AGMO: variants seen among roughly 807,000 people sequenced by gnomAD.
AGMO encodes alkylglycerol monooxygenase.
A neutral mutation model predicts 60.2 loss-of-function variants in AGMO; 75 were observed. The ratio of observed to expected loss-of-function variants is 1.25; its 90% CI spans 1.03 to 1.51. AGMO has a LOEUF of 1.51. Among genes scored for constraint, AGMO ranks in the 40% most tolerant of loss-of-function variants. The pLI, the probability that AGMO is intolerant of heterozygous loss-of-function variation, is 0.00. For missense variants in AGMO, 763 were observed against 525.5 expected (o/e 1.45, Z -4.42); for synonymous variants, 261 against 177.1 (o/e 1.47, Z -3.76).
intron 12 of AGMO, among the ~76,000 whole-genome samples, chr7:15,302,643 ATT>A (rs1780479037): frequency 6.6e-6 from 1 of 152,170 alleles, no homozygotes; most frequent in Non-Finnish European, 1.5e-5. Flanking sequence ...CAAAGCAGGT[ATT>A]TATTTTCTAA....
At chr7:15,499,457 C>A (rs1382241517) in intron 3 of AGMO, among the ~76,000 whole-genome samples, 3 of 151,794 alleles carry the variant, frequency 2.0e-5, no homozygotes, top group African/African-American at 4.8e-5. Flanking sequence ...AAATTTTTTA[C>A]CTATCAGGCT....
At chr7:15,325,541 A>T (rs1781311595) in intron 12 of AGMO, among the ~76,000 whole-genome samples, 1 of 152,174 alleles carries the variant, frequency 6.6e-6, no homozygotes, top group Non-Finnish European at 1.5e-5. Context: ...TTACACACCT[A>T]TACATGCACA....
chr7:15,311,492 A>T (rs2128532080), intron 12 of AGMO, among the ~76,000 whole-genome samples: 1 of 152,236 alleles, frequency 6.6e-6, no homozygotes, highest in African/African-American at 2.4e-5. Context: ...AGTAAAAAAA[A>T]AAAATTTCAA....
At chr7:15,550,493 C>T (rs1197643648) in intron 2 of AGMO, among the ~76,000 whole-genome samples, 2 of 152,038 alleles carry the variant, frequency 1.3e-5, no homozygotes, top group African/African-American at 2.4e-5. Flanking sequence ...ATATCACCAC[C>T]CATCCCACAG....
intron 3 of AGMO, among the ~76,000 whole-genome samples, chr7:15,518,347 G>A (rs1334755559): frequency 6.6e-6 from 1 of 152,130 alleles, no homozygotes; most frequent in Non-Finnish European, 1.5e-5. Flanking sequence ...TCCTCAAGTG[G>A]GTCCCTGATC....
At chr7:15,318,806 T>C (rs563662242) in intron 12 of AGMO, among the ~76,000 whole-genome samples, 1 of 152,324 alleles carries the variant, frequency 6.6e-6, no homozygotes, top group South Asian at 2.1e-4. Flanking sequence ...TTGCCAATTA[T>C]GCTTTCTAGC....
intron 12 of AGMO, among the ~76,000 whole-genome samples, chr7:15,326,238 G>A (rs1781336215): frequency 6.6e-6 from 1 of 152,090 alleles, no homozygotes; most frequent in Admixed American, 6.6e-5. Context: ...ATGGAGCCCA[G>A]GCATCTATAT....
rs536508605 is a variant in AGMO, at chr7:15,289,565, G to T, written c.1263+75949C>A. Among the ~76,000 whole-genome samples, 40 of 152,056 alleles carry T rather than the reference G, an allele frequency of 2.6e-4. No homozygotes were observed. The East Asian group carries it at 5.4e-3, about 21-fold the overall frequency. On this transcript the variant is annotated intron_variant, in intron 12 of 12. Transcript: ENST00000342526. ...AAAAAAGAAATTTAAAGGTCTAATTGCATAAGCAGTTCATACATAGGTTCT... is the reference window on the plus strand; with the variant it reads ...AAAAAAGAAATTTAAAGGTCTAATTTCATAAGCAGTTCATACATAGGTTCT...
At chr7:15,397,069 G>C (rs980259477) in intron 5 of AGMO, among the ~76,000 whole-genome samples, 1 of 152,132 alleles carries the variant, frequency 6.6e-6, no homozygotes, top group Non-Finnish European at 1.5e-5. Flanking sequence ...CAGAAGCCCA[G>C]TTGGCTTCAC....
downstream of AGMO, among the ~76,000 whole-genome samples, chr7:15,199,185 A>G (rs1583285595): frequency 6.6e-6 from 1 of 152,298 alleles, no homozygotes; most frequent in East Asian, 1.9e-4. Flanking sequence ...TAATTTTTGT[A>G]TAGGAGGTGT....
At chr7:15,372,542 G>C (rs1234161804) in intron 10 of AGMO, among the ~76,000 whole-genome samples, 1 of 152,110 alleles carries the variant, frequency 6.6e-6, no homozygotes. Context: ...ATATGAGTTT[G>C]AGTAACCAAG....
At chr7:15,459,492 T>C (rs1333406666) in intron 3 of AGMO, among the ~76,000 whole-genome samples, 1 of 152,084 alleles carries the variant, frequency 6.6e-6, no homozygotes, top group African/African-American at 2.4e-5. Flanking sequence ...GGCATAGATA[T>C]CATCAAAGGT....
In AGMO at chr7:15,271,112, A is replaced by C. The variant is rs369703903; in HGVS notation, c.1264-69753T>G. On this transcript the variant is annotated intron_variant, in intron 12 of 12. Transcript: ENST00000342526. ...TGAACTCAGGGAATAAGATGCATCC[A>C]GATTTGTTCTTTTTGTTTAGGACTG... Among the ~76,000 whole-genome samples, 18 of 152,230 alleles carry C rather than the reference A, an allele frequency of 1.2e-4. No individual in the cohort carries two copies. The South Asian group carries it at 2.7e-3, about 23-fold the overall frequency.
chr7:15,317,963 T>C (rs1780989052), intron 12 of AGMO, among the ~76,000 whole-genome samples: 1 of 147,452 alleles, frequency 6.8e-6, no homozygotes. Flanking sequence ...ACTATATATA[T>C]ATATACACAC....
At chr7:15,192,805 C>G in the AGMO span, among the ~76,000 whole-genome samples, 2 of 152,102 alleles carry the variant, frequency 1.3e-5, no homozygotes, top group African/African-American at 2.4e-5. Flanking sequence ...GTTTGAGCAC[C>G]AGGAGCCAAG....
chr7:15,315,283 T>C (rs1169397028), intron 12 of AGMO, among the ~76,000 whole-genome samples: 1 of 151,116 alleles, frequency 6.6e-6, no homozygotes, highest in Admixed American at 6.6e-5. Context: ...TTAAGTATGA[T>C]TGAGATGAAA....
At chr7:15,476,113 T>C (rs894197912) in intron 3 of AGMO, among the ~76,000 whole-genome samples, 1 of 152,086 alleles carries the variant, frequency 6.6e-6, no homozygotes, top group African/African-American at 2.4e-5. Flanking sequence ...TGATAGATAA[T>C]ATGTACAAAG....
chr7:15,520,731 C>A (rs1027109865), intron 3 of AGMO, among the ~76,000 whole-genome samples: 1 of 152,076 alleles, frequency 6.6e-6, no homozygotes, highest in African/African-American at 2.4e-5. Context: ...GCACTAAATG[C>A]CCATAGGAGA....
chr7:15,342,196 AG>A (rs1583429581), intron 12 of AGMO, among the ~76,000 whole-genome samples: 6 of 148,142 alleles, frequency 4.1e-5, no homozygotes, highest in South Asian at 2.1e-4. Context: ...AAAAAAAAAA[AG>A]GACTAAGTCC....
Sources: allele counts gnomAD v4.1 joint callset (sites outside exome capture counted in the v4.1 genomes callset), GRCh38; gene constraint gnomAD v4.1.1; transcripts MANE v1.5; gene names NCBI Gene and HGNC (gene_info 2026-07-23, HGNC 2026-07-21).